RP1: variants seen among roughly 807,000 people sequenced by gnomAD.
RP1 encodes the protein RP1 axonemal microtubule associated.
Under a neutral mutation model 14.8 loss-of-function variants are expected in RP1, and 16 were observed. That is an observed-to-expected ratio of 1.08 (90% CI 0.73 to 1.65). RP1 has a LOEUF of 1.65. Ranked by LOEUF, RP1 falls within the 40% of genes most tolerant of loss-of-function variation. The pLI is 0.00. For missense variants in RP1, 2,631 were observed against 2,535.0 expected (o/e 1.04, Z -0.81); for synonymous variants, 876 against 883.6 (o/e 0.99, Z 0.15).
intron 27 of RP1, among the ~76,000 whole-genome samples, chr8:54,864,396 A>G (rs1812416349): frequency 6.6e-6 from 1 of 152,230 alleles, no homozygotes; most frequent in Non-Finnish European, 1.5e-5. Context: ...GGCAAACACC[A>G]AACAGAAAAA....
chr8:54,615,620 A>T (rs1805697231), upstream of RP1, among the ~76,000 whole-genome samples: 1 of 152,214 alleles, frequency 6.6e-6, no homozygotes, highest in South Asian at 2.1e-4. Context: ...ATGCTGAGTC[A>T]CCAAATTGTG....
At chr8:54,801,825 G>A (rs1810715897) in intron 24 of RP1, among the ~76,000 whole-genome samples, 1 of 152,090 alleles carries the variant, frequency 6.6e-6, no homozygotes, top group South Asian at 2.1e-4. Context: ...GTTTCTCTCT[G>A]AAGAAACCTG....
intron 24 of RP1, among the ~76,000 whole-genome samples, chr8:54,822,783 C>T (rs1411447172): frequency 1.3e-5 from 2 of 152,166 alleles, no homozygotes; most frequent in Non-Finnish European, 2.9e-5. Context: ...GAAGAGTTCA[C>T]CGTGTGTCCC....
chr8:54,585,441 A>C (rs1804898575), intron 1 of RP1, among the ~76,000 whole-genome samples: 1 of 151,970 alleles, frequency 6.6e-6, no homozygotes, highest in Non-Finnish European at 1.5e-5. Context: ...TTTTTCCTTC[A>C]TTTCAACTTT....
intron 15 of RP1, among the ~76,000 whole-genome samples, chr8:54,708,368 C>CT (rs1272893456): frequency 9.0e-6 from 1 of 111,478 alleles, no homozygotes; most frequent in Non-Finnish European, 1.9e-5. Context: ...TTTTTTTTTT[C>CT]TTTTTTGAGA....
At chr8:54,780,293 T>A (rs1418223488) in intron 23 of RP1, among the ~76,000 whole-genome samples, 1 of 152,240 alleles carries the variant, frequency 6.6e-6, no homozygotes, top group Admixed American at 6.5e-5. Flanking sequence ...GACTATGATG[T>A]CTGCAAGGGA....
intron 1 of RP1, among the ~76,000 whole-genome samples, chr8:54,582,094 T>C (rs1171711972): frequency 2.0e-5 from 3 of 152,236 alleles, no homozygotes; most frequent in African/African-American, 7.2e-5. Context: ...ATGTCCTGAA[T>C]GGTATTGCCT....
At chr8:54,757,307 A>G (rs1171464712) in intron 21 of RP1, among the ~76,000 whole-genome samples, 1 of 152,224 alleles carries the variant, frequency 6.6e-6, no homozygotes, top group Non-Finnish European at 1.5e-5. Context: ...GACCAAATTT[A>G]ATTCTGTCTT....
At chr8:54,804,945 T>G (rs1810811845) in intron 24 of RP1, among the ~76,000 whole-genome samples, 1 of 152,208 alleles carries the variant, frequency 6.6e-6, no homozygotes, top group Admixed American at 6.5e-5. Context: ...CAAATTTGGG[T>G]GGCAATATAA....
intron 24 of RP1, among the ~76,000 whole-genome samples, chr8:54,793,954 C>A (rs1366701114): frequency 6.6e-6 from 1 of 151,720 alleles, no homozygotes; most frequent in African/African-American, 2.4e-5. Context: ...TTAGAATAAA[C>A]AAACTCAGTA....
At chr8:54,679,578 C>T (rs373937719) in intron 10 of RP1, 1 of 1,535,886 alleles carries the variant, frequency 6.5e-7, no homozygotes, top group Non-Finnish European at 8.7e-7. Flanking sequence ...ATTAATTGCC[C>T]TCTCTTTATC....
rs1807600817 is a variant in RP1 at position 54,687,683 on chromosome 8, G to A, written c.1717+7750G>A. 5.3e-5 allele frequency among the ~76,000 whole-genome samples: 8 copies of A among 152,000 alleles called. No homozygotes were observed. The South Asian group carries it at 6.2e-4, about 12-fold the overall frequency. Reference sequence around the variant, plus strand: ...GCATAATATTCCATGGTGTATATACGCCACATTTTCTTTATCAAGTCTATC... The same window carrying A: ...GCATAATATTCCATGGTGTATATACACCACATTTTCTTTATCAAGTCTATC... On this transcript the variant is annotated intron_variant, in intron 12 of 22. Coordinates refer to the RP1 transcript ENST00000636932.
intron 26 of RP1, among the ~76,000 whole-genome samples, chr8:54,854,412 G>A (rs896641383): frequency 6.6e-6 from 1 of 152,152 alleles, no homozygotes; most frequent in Non-Finnish European, 1.5e-5. Context: ...ATTGGATATT[G>A]TTATAGAAAA....
chr8:54,579,324 G>A (rs1210631130), intron 1 of RP1, among the ~76,000 whole-genome samples: 2 of 152,176 alleles, frequency 1.3e-5, no homozygotes, highest in African/African-American at 4.8e-5. Context: ...GATGAGACTA[G>A]TCAGCATGTT....
intron 8 of RP1, among the ~76,000 whole-genome samples, chr8:54,674,267 C>T (rs2129333382): frequency 6.6e-6 from 1 of 152,110 alleles, no homozygotes; most frequent in East Asian, 1.9e-4. Flanking sequence ...GTCGTATCTC[C>T]TGGTGGTGAT....
downstream of RP1, among the ~76,000 whole-genome samples, chr8:54,633,567 A>C (rs1039320198): frequency 9.2e-5 from 14 of 152,034 alleles, no homozygotes; most frequent in Non-Finnish European, 1.8e-4. Context: ...AATACTTGTA[A>C]AACTCTTAGC....
At position 54,629,033 on chromosome 8, in the gene RP1, C is replaced by T. The variant is rs1290734378; in HGVS notation, c.5151C>T (p.Asp1717=). 1.9e-6 allele frequency: 3 copies of T among 1,613,888 alleles called. No individual in the cohort carries two copies. The highest frequency in any genetic ancestry group is 2.5e-6 in the Non-Finnish European group (3 of 1,179,960). Residue 1717 remains aspartate, a synonymous_variant, in exon 4 of 4, where the codon GAC becomes GAT. Coordinates refer to ENST00000220676, the MANE Select transcript of RP1 (RefSeq NM_006269.2). ...TGAGGGACAATTATTGTAGGGGTGA[C>T]ATTGTAGAACCTGGTACAAAACAAA... ...SAVRDNYCRG[D]IVEPGTKQND...
intron 4 of RP1, chr8:54,652,776 A>G (rs1378430121): frequency 6.5e-6 from 10 of 1,533,720 alleles, no homozygotes; most frequent in Non-Finnish European, 7.9e-6. Flanking sequence ...TTGGCTCTTC[A>G]TAGATAACAG....
chr8:54,625,328 G>A lies in RP1; in HGVS notation c.1446G>A (p.Gln482=). The change falls in exon 4 of 4, where the codon CAG becomes CAA. Residue 482 remains glutamine (Q), a synonymous_variant. Coordinates refer to ENST00000220676, the MANE Select transcript of RP1 (RefSeq NM_006269.2). ...AGGTTCAAGAGAAAATGATTGGACA[G>A]TTTTCATATAGTGAAGAAAGGGAAA... The part of the protein sequence containing the change: ...ETEVQEKMIG[Q]FSYSEERESG... 6.2e-7 allele frequency: 1 copy of A among 1,614,168 alleles called. No individual in the cohort carries two copies. Among genetic ancestry groups the A allele is most frequent in the South Asian group, 1.1e-5 (1 of 91,076 alleles).
Sources: gnomAD v4.1 joint callset for allele counts (sites outside exome capture counted in the v4.1 genomes callset) on GRCh38, gnomAD v4.1.1 for gene constraint, MANE v1.5 for transcripts, NCBI Gene and HGNC (gene_info 2026-07-23, HGNC 2026-07-21) for gene names.